Variants in B3GALNT2 observed in about 807,000 individuals in gnomAD.
The protein encoded by B3GALNT2 is UDP-GalNAc:beta-1,3-N-acetylgalactosaminyltransferase 2.
In B3GALNT2, 53 loss-of-function variants were observed where a neutral mutation model predicts 61.1. The ratio of observed to expected loss-of-function variants is 0.87; its 90% confidence interval spans 0.70 to 1.09. The LOEUF (loss-of-function observed/expected upper bound fraction) is 1.09. Among genes scored for constraint, B3GALNT2 ranks in the 50% least tolerant of loss-of-function variants. B3GALNT2 has a pLI of 0.00. For synonymous variants in B3GALNT2, 223 were observed against 237.4 expected (o/e 0.94, Z 0.56); for missense variants, 544 against 623.0 (o/e 0.87, Z 1.35).
chr1:235,469,848 C>G (rs1221519837), intron 6 of B3GALNT2, among the ~76,000 whole-genome samples: 1 of 152,016 alleles, frequency 6.6e-6, no homozygotes, highest in Non-Finnish European at 1.5e-5. Flanking sequence ...AGGCATAAGC[C>G]AGCACACCCC....
intron 6 of B3GALNT2, among the ~76,000 whole-genome samples, chr1:235,467,102 A>G (rs531436676): frequency 6.6e-6 from 1 of 152,294 alleles, no homozygotes; most frequent in South Asian, 2.1e-4. Context: ...TAATCCCAGC[A>G]CTTTGGGAGG....
chr1:235,498,255 T>G (rs1469518111), intron 1 of B3GALNT2, among the ~76,000 whole-genome samples: 1 of 152,148 alleles, frequency 6.6e-6, no homozygotes, highest in Non-Finnish European at 1.5e-5. Flanking sequence ...CTTATCACCT[T>G]TTATGTTACA....
chr1:235,448,809 G>A lies in B3GALNT2; in HGVS notation c.*1397C>T, dbSNP rs1420799337. The A allele has an allele frequency of 1.0e-5, 14 of 1,338,166 alleles. No individual in the cohort carries two copies. Among genetic ancestry groups the A allele is most frequent in the Non-Finnish European group, 1.5e-5 (14 of 932,666 alleles). The allele number at this position is 1,338,166 out of a possible 1,614,324, so 82.9% of individuals were successfully genotyped here. A position where few individuals can be genotyped will look rare whatever the true frequency, so the allele number is the denominator to read the frequency against. ...AGACCACACTGCTTATCGTGTCTGG[G>A]GTTCACCGGAAATAAATGATTCACT... On this transcript the variant is annotated 3_prime_UTR_variant, in exon 12 of 12. Coordinates refer to ENST00000366600, the MANE Select transcript of B3GALNT2 (RefSeq NM_152490.5).
Position 235,474,977 on chromosome 1 carries a change from ATATATATATATTTTTTT to A in B3GALNT2, c.652-4034_652-4018del, listed in dbSNP as rs1297666246. Among the ~76,000 whole-genome samples, 6 of 29,956 alleles carry A rather than the reference ATATATATATATTTTTTT, an allele frequency of 2.0e-4. 1 individual carries two copies. The highest frequency in any genetic ancestry group is 1.3e-3 in the African/African-American group (6 of 4,640). 19.7% of individuals were successfully genotyped at this position (29,956 alleles called of 152,430 possible). A position where few individuals can be genotyped will look rare whatever the true frequency, so the allele number is the denominator to read the frequency against. Reference sequence around the variant, plus strand: ...TATATATATATATATATATATATATATATATATATATTTTTTTTTTTTTTTTTTTTTTTGAGACGGAG... The same window carrying A: ...TATATATATATATATATATATATATATTTTTTTTTTTTTTTTGAGACGGAG... On this transcript the variant is annotated intron_variant, in intron 5 of 11. Coordinates refer to ENST00000366600, the MANE Select transcript of B3GALNT2 (RefSeq NM_152490.5).
chr1:235,459,506 C>A (rs1018540454), intron 7 of B3GALNT2, among the ~76,000 whole-genome samples: 1 of 151,994 alleles, frequency 6.6e-6, no homozygotes, highest in Non-Finnish European at 1.5e-5. Flanking sequence ...GCCTCTGGTC[C>A]CAGCTTCTTG....
chr1:235,458,527 T>C, intron 8 of B3GALNT2, 76 bp downstream of exon 8: 58 of 1,502,610 alleles, frequency 3.9e-5, no homozygotes, highest in Non-Finnish European at 5.1e-5. Flanking sequence ...CCTTACAGCC[T>C]AGTAAGACCC....
intron 2 of B3GALNT2, among the ~76,000 whole-genome samples, chr1:235,489,735 T>C (rs768437079): frequency 1.1e-4 from 17 of 152,306 alleles, no homozygotes; most frequent in Non-Finnish European, 1.9e-4. Context: ...TAGTGACTCC[T>C]TCCCTCCACA....
chr1:235,483,624 T>C (rs1684658073), intron 4 of B3GALNT2, among the ~76,000 whole-genome samples: 1 of 152,054 alleles, frequency 6.6e-6, no homozygotes, highest in African/African-American at 2.4e-5. Context: ...ATACAAAAAT[T>C]AGCCAGGTGT....
intron 8 of B3GALNT2, among the ~76,000 whole-genome samples, chr1:235,456,604 C>T (rs529874761): frequency 6.6e-6 from 1 of 152,194 alleles, no homozygotes; most frequent in South Asian, 2.1e-4. Flanking sequence ...AATAATGAAA[C>T]TCATTTGTAG....
chr1:235,441,916 T>C, the B3GALNT2 span: 1 of 1,588,376 alleles, frequency 6.3e-7, no homozygotes, highest in South Asian at 1.1e-5. Context: ...TTTATTTGTA[T>C]TTGAGTGCTT....
intron 10 of B3GALNT2, among the ~76,000 whole-genome samples, chr1:235,453,888 T>G (rs1683043865): frequency 6.6e-6 from 1 of 152,202 alleles, no homozygotes; most frequent in African/African-American, 2.4e-5. Flanking sequence ...ATACAGAGAA[T>G]AACGTGCTTT....
chr1:235,467,060 G>A (rs1683729413), intron 6 of B3GALNT2, among the ~76,000 whole-genome samples: 1 of 152,060 alleles, frequency 6.6e-6, no homozygotes, highest in Non-Finnish European at 1.5e-5. Context: ...TTTAAAATAT[G>A]TTTGTAGGCC....
rs1399841257 is a variant in B3GALNT2 at position 235,449,509 on chromosome 1, G to A, written c.*697C>T. On this transcript the variant is annotated 3_prime_UTR_variant, in exon 12 of 12. Coordinates refer to ENST00000366600, the MANE Select transcript of B3GALNT2 (RefSeq NM_152490.5). ...CACAACTTTAGCATTTAAAAACTAT[G>A]AGTACTAAACTGTGACCTTCAGGAT... The A allele has an allele frequency of 6.6e-6, 1 of 152,646 alleles. No homozygotes were observed. Among genetic ancestry groups the A allele is most frequent in the Non-Finnish European group, 1.5e-5 (1 of 68,414 alleles). The allele number at this position is 152,646 out of a possible 1,614,324, so 9.5% of individuals were successfully genotyped here. A position where few individuals can be genotyped will look rare whatever the true frequency, so the allele number is the denominator to read the frequency against.
chr1:235,492,803 G>A (rs1409431508), intron 2 of B3GALNT2, among the ~76,000 whole-genome samples: 2 of 152,328 alleles, frequency 1.3e-5, no homozygotes, highest in East Asian at 3.9e-4. Flanking sequence ...AGACCTGAAG[G>A]AAGTGAGTCC....
At chr1:235,499,258 C>G (rs1309342302) in intron 1 of B3GALNT2, among the ~76,000 whole-genome samples, 1 of 152,110 alleles carries the variant, frequency 6.6e-6, no homozygotes, top group African/African-American at 2.4e-5. Flanking sequence ...ATATAAAGTA[C>G]AAAAGTAGCC....
intron 7 of B3GALNT2, among the ~76,000 whole-genome samples, chr1:235,461,507 GTTTTTTTTTT>G (rs57611133): frequency 2.4e-4 from 15 of 63,378 alleles, no homozygotes; most frequent in Middle Eastern, 9.8e-3. Flanking sequence ...ATGACCTCCT[GTTTTTTTTTT>G]TTTTTTTTTT....
At chr1:235,493,073 A>G (rs58465924) in intron 2 of B3GALNT2, among the ~76,000 whole-genome samples, 7,055 of 152,284 alleles carry the variant, frequency 0.046, 392 homozygotes, top group African/African-American at 0.13. Context: ...GTAGGGGGTC[A>G]AAGGTAGAAG....
Position 235,448,677 on chromosome 1 carries a change from G to C in B3GALNT2, c.*1529C>G. 6.2e-7 allele frequency: 1 copy of C among 1,613,842 alleles called. No homozygotes were observed. The highest frequency in any genetic ancestry group is 8.5e-7 in the Non-Finnish European group (1 of 1,179,772). ...CCTTCGTTCTAATTTTAGAAGCCGG[G>C]CAGAGAAATCGAGCTGGAAAATGAC... On this transcript the variant is annotated 3_prime_UTR_variant, in exon 12 of 12. Coordinates refer to ENST00000366600, the MANE Select transcript of B3GALNT2 (RefSeq NM_152490.5).
Position 235,504,424 on chromosome 1 carries a change from G to C in B3GALNT2, c.-172C>G. ...CGCAGCTCCCGGCCCCGCTCCTCCG[G>C]TCCCTCAGACCGCGGGTGGCCGCGG... On this transcript the variant is annotated 5_prime_UTR_variant, in exon 1 of 12. Coordinates refer to ENST00000366600, the MANE Select transcript of B3GALNT2 (RefSeq NM_152490.5). 1 of 676,118 alleles carries C rather than the reference G, an allele frequency of 1.5e-6. No homozygotes were observed. The allele number at this position is 676,118 out of a possible 1,614,324, so 41.9% of individuals were successfully genotyped here.
Sources: allele counts gnomAD v4.1 joint callset (sites outside exome capture counted in the v4.1 genomes callset), GRCh38; gene constraint gnomAD v4.1.1; transcripts MANE v1.5; gene names NCBI Gene and HGNC (gene_info 2026-07-23, HGNC 2026-07-21).